The following LRRTM3 variants were observed in gnomAD, a reference collection of about 807,000 sequenced individuals.
LRRTM3 encodes the protein leucine-rich repeat transmembrane neuronal protein 3.
LRRTM3 carries 24 observed loss-of-function variants against 44.7 expected under a neutral mutation model. The observed-to-expected ratio is 0.54, with a 90% CI of 0.39 to 0.76. LRRTM3 has a LOEUF of 0.76. Ranked by LOEUF, LRRTM3 falls within the 30% of genes least tolerant of loss-of-function variation. LRRTM3 has a pLI of 0.00. For missense variants in LRRTM3, 587 were observed against 702.2 expected (o/e 0.84, Z 1.85); for synonymous variants, 277 against 278.7 (o/e 0.99, Z 0.06).
chr10:67,092,036 A>T (rs1369518653), intron 2 of LRRTM3, among the ~76,000 whole-genome samples: 1 of 151,958 alleles, frequency 6.6e-6, no homozygotes, highest in Non-Finnish European at 1.5e-5. Context: ...AAAGTAAGAA[A>T]ATACGCCTCT....
At chr10:67,048,630 C>T (rs773985127) in intron 2 of LRRTM3, among the ~76,000 whole-genome samples, 1 of 152,018 alleles carries the variant, frequency 6.6e-6, no homozygotes, top group South Asian at 2.1e-4. Flanking sequence ...AATTGGGATA[C>T]TTTTTATTTT....
At chr10:67,042,175 G>T (rs751080785) in intron 2 of LRRTM3, among the ~76,000 whole-genome samples, 1 of 152,058 alleles carries the variant, frequency 6.6e-6, no homozygotes, top group Non-Finnish European at 1.5e-5. Context: ...ACATTAAAAA[G>T]AACAAACCTG....
chr10:66,955,806 AT>A (rs1848759381), intron 2 of LRRTM3, among the ~76,000 whole-genome samples: 1 of 152,130 alleles, frequency 6.6e-6, no homozygotes, highest in African/African-American at 2.4e-5. Context: ...TTCTCCTAGT[AT>A]TTCTGCCTTC....
At chr10:67,025,552 T>C (rs939878683) in intron 2 of LRRTM3, among the ~76,000 whole-genome samples, 1 of 152,198 alleles carries the variant, frequency 6.6e-6, no homozygotes, top group South Asian at 2.1e-4. Context: ...TTTTGCATCT[T>C]GTTATTTGCA....
chr10:66,999,606 C>G (rs1237770761), intron 2 of LRRTM3, among the ~76,000 whole-genome samples: 1 of 152,060 alleles, frequency 6.6e-6, no homozygotes, highest in African/African-American at 2.4e-5. Context: ...TATTAAATGC[C>G]AACCTATAAA....
At chr10:67,093,670 C>T (rs373531671) in intron 2 of LRRTM3, among the ~76,000 whole-genome samples, 1 of 151,790 alleles carries the variant, frequency 6.6e-6, no homozygotes. Flanking sequence ...AACTGAAACT[C>T]CCCCCCAACA....
intron 2 of LRRTM3, among the ~76,000 whole-genome samples, chr10:67,036,881 T>C (rs1303136356): frequency 5.9e-5 from 9 of 151,810 alleles, no homozygotes; most frequent in Non-Finnish European, 1.3e-4. Flanking sequence ...GGATAAAAAT[T>C]GTGAAAAAAA....
At chr10:67,066,446 C>T (rs1398681215) in intron 2 of LRRTM3, among the ~76,000 whole-genome samples, 1 of 151,528 alleles carries the variant, frequency 6.6e-6, no homozygotes, top group Non-Finnish European at 1.5e-5. Context: ...CTGCCTTGGC[C>T]TCCCAAAGTG....
chr10:67,027,001 A>T (rs1346097006), intron 2 of LRRTM3, among the ~76,000 whole-genome samples: 1 of 152,228 alleles, frequency 6.6e-6, no homozygotes, highest in Non-Finnish European at 1.5e-5. Flanking sequence ...ATAAATGATG[A>T]TAAAACATCT....
intron 2 of LRRTM3, among the ~76,000 whole-genome samples, chr10:67,075,263 T>A (rs1564873904): frequency 6.6e-6 from 1 of 151,106 alleles, no homozygotes; most frequent in East Asian, 1.9e-4. Context: ...AATCTTAAAT[T>A]AAAAAAAAAT....
intron 2 of LRRTM3, among the ~76,000 whole-genome samples, chr10:67,037,301 C>G (rs1854119311): frequency 6.6e-6 from 1 of 150,818 alleles, no homozygotes; most frequent in Admixed American, 6.6e-5. Context: ...TCTCTTCTTT[C>G]ATGTACTCAG....
chr10:67,003,515 T>G (rs1017059018), intron 2 of LRRTM3, among the ~76,000 whole-genome samples: 47 of 152,316 alleles, frequency 3.1e-4, no homozygotes, highest in African/African-American at 1.1e-3. Context: ...TTCCCAATCC[T>G]TAGGATTCTC....
intron 2 of LRRTM3, among the ~76,000 whole-genome samples, chr10:66,959,798 G>T (rs577493876): frequency 1.3e-5 from 2 of 152,130 alleles, no homozygotes; most frequent in East Asian, 3.9e-4. Context: ...AGAAACTCAG[G>T]AGTAAGAAAC....
intron 2 of LRRTM3, among the ~76,000 whole-genome samples, chr10:66,937,658 A>T (rs1422906551): frequency 1.3e-5 from 2 of 152,070 alleles, no homozygotes; most frequent in Non-Finnish European, 2.9e-5. Context: ...CCTCCCAACA[A>T]AGCCCAGCTA....
chr10:67,016,066 T>A (rs1051380116), intron 2 of LRRTM3, among the ~76,000 whole-genome samples: 4 of 152,352 alleles, frequency 2.6e-5, no homozygotes, highest in Admixed American at 2.6e-4. Flanking sequence ...TTCTGAACCC[T>A]ATTTTTAGAA....
chr10:66,926,627 AAAAAC>A, intron 1 of LRRTM3, 40 bp downstream of exon 1: 1 of 1,606,484 alleles, frequency 6.2e-7, no homozygotes. Context: ...CTTAAAAACA[AAAAAC>A]AAAAAACCTC....
At chr10:67,015,510 AC>A (rs1852600125) in intron 2 of LRRTM3, 2 of 152,156 alleles carry the variant, frequency 1.3e-5, no homozygotes, top group Admixed American at 1.3e-4. Flanking sequence ...TTCTCATATT[AC>A]GTGGAAATTG....
chr10:67,072,629 G>A (rs948648646), intron 2 of LRRTM3, among the ~76,000 whole-genome samples: 1 of 152,074 alleles, frequency 6.6e-6, no homozygotes, highest in African/African-American at 2.4e-5. Context: ...TCTTCCCCTT[G>A]TTTATCTATA....
intron 2 of LRRTM3, among the ~76,000 whole-genome samples, chr10:67,030,582 A>C (rs1346975958): frequency 2.0e-5 from 3 of 151,930 alleles, no homozygotes; most frequent in Admixed American, 2.0e-4. Context: ...TATTTTTATG[A>C]AGATAAATAT....
Sources: gnomAD v4.1 joint callset for allele counts (sites outside exome capture counted in the v4.1 genomes callset) on GRCh38, gnomAD v4.1.1 for gene constraint, MANE v1.5 for transcripts, NCBI Gene and HGNC (gene_info 2026-07-23, HGNC 2026-07-21) for gene names.